Variants in RASSF5 observed in about 807,000 individuals in gnomAD.
RASSF5 encodes the protein ras association domain-containing protein 5.
In RASSF5, 25 loss-of-function variants were observed where a neutral mutation model predicts 40.5. The observed-to-expected ratio is 0.62, with a 90% CI of 0.45 to 0.86. The LOEUF is 0.86. Among genes scored for constraint, RASSF5 ranks in the 40% least tolerant of loss-of-function variants. The pLI is 0.00. For synonymous variants in RASSF5, 246 were observed against 252.4 expected (o/e 0.97, Z 0.24); for missense variants, 521 against 572.8 (o/e 0.91, Z 0.92).
chr1:206,578,222 CA>C (rs79362621), intron 2 of RASSF5, among the ~76,000 whole-genome samples: 12,633 of 137,130 alleles, frequency 0.092, 629 homozygotes, highest in African/African-American at 0.14. Flanking sequence ...GGAGACATCT[CA>C]AAAAAAAAAA....
Position 206,584,356 on chromosome 1 carries a change from C to G in RASSF5, c.691-31C>G. On this transcript the variant is annotated intron_variant, in intron 3 of 5. Coordinates refer to ENST00000579436, the MANE Select transcript of RASSF5 (RefSeq NM_182663.4). This position sits in a 1 kb window ranked among gnomAD's most constrained non-coding sequence, Gnocchi z 4.9. ...ATATGATCATGCAAGGCGGACGGCC[C>G]TGACCCCCTGTGACATGCCCCCGCT... 3.1e-6 allele frequency: 5 copies of G among 1,587,412 alleles called. No individual in the cohort carries two copies. Among genetic ancestry groups the G allele is most frequent in the Non-Finnish European group, 4.3e-6 (5 of 1,165,748 alleles).
chr1:206,510,683 G>A (rs1447622675), intron 1 of RASSF5, among the ~76,000 whole-genome samples: 3 of 152,142 alleles, frequency 2.0e-5, no homozygotes, highest in African/African-American at 7.2e-5. Flanking sequence ...GTGTCCTCTA[G>A]AAATGCCACT....
Position 206,535,866 on chromosome 1 carries a change from C to G in RASSF5, c.458-2306C>G, listed in dbSNP as rs1553398613. On this transcript the variant is annotated intron_variant, in intron 1 of 5. Coordinates refer to ENST00000579436, the MANE Select transcript of RASSF5 (RefSeq NM_182663.4). The surrounding 1 kb of genome is among the most constrained non-coding windows in gnomAD (Gnocchi z 5.0). Reference sequence around the variant, plus strand: ...GAGAAATTCCTCCTCTCCCAGGTGCCTTCCCATTTGTGAGTTATGGCAGCT... The same window carrying G: ...GAGAAATTCCTCCTCTCCCAGGTGCGTTCCCATTTGTGAGTTATGGCAGCT... Among the ~76,000 whole-genome samples the G allele has an allele frequency of 6.6e-6, 1 of 152,042 alleles. No individual in the cohort carries two copies. Among genetic ancestry groups the G allele is most frequent in the African/African-American group, 2.4e-5 (1 of 41,384 alleles).
In RASSF5 at chr1:206,531,786, C is replaced by G. The variant is rs1304183396; in HGVS notation, c.458-6386C>G. On this transcript the variant is annotated intron_variant, in intron 1 of 5. Coordinates refer to ENST00000579436, the MANE Select transcript of RASSF5 (RefSeq NM_182663.4). The surrounding 1 kb of genome is among the most constrained non-coding windows in gnomAD (Gnocchi z 4.7). ...GTAAATTGAGCCAGGCACGGTAATCCCAGAACTTTGGGAGGCCAAGGCAGG... is the reference window on the plus strand; with the variant it reads ...GTAAATTGAGCCAGGCACGGTAATCGCAGAACTTTGGGAGGCCAAGGCAGG... Among the ~76,000 whole-genome samples the G allele has an allele frequency of 2.6e-5, 4 of 152,042 alleles. No homozygotes were observed. The highest frequency in any genetic ancestry group is 5.9e-5 in the Non-Finnish European group (4 of 67,988).
intron 5 of RASSF5, 95 bp downstream of exon 5, chr1:206,585,390 A>C (rs1669072591): frequency 1.2e-6 from 1 of 867,570 alleles, no homozygotes; most frequent in Non-Finnish European, 2.0e-6. Flanking sequence ...GGTGGGAGCC[A>C]CGCAGCACGG....
intron 2 of RASSF5, among the ~76,000 whole-genome samples, chr1:206,561,501 T>G (rs1163407031): frequency 2.0e-5 from 3 of 152,110 alleles, no homozygotes; most frequent in African/African-American, 7.2e-5. Context: ...TCTTACAACT[T>G]TAGTGACTTA....
intron 1 of RASSF5, among the ~76,000 whole-genome samples, chr1:206,519,157 C>A (rs72755003): frequency 1.3e-5 from 2 of 152,218 alleles, no homozygotes; most frequent in Non-Finnish European, 2.9e-5. Context: ...GATAACTGGA[C>A]GGCATAGCGG....
chr1:206,540,435 C>T (rs1667516448), intron 2 of RASSF5, among the ~76,000 whole-genome samples: 2 of 152,266 alleles, frequency 1.3e-5, no homozygotes, highest in East Asian at 3.8e-4. Flanking sequence ...TTGTCTAGAG[C>T]AGAAACACCA....
rs533061644 is a variant in RASSF5 at position 206,522,165 on chromosome 1, T to G, written c.457+14106T>G. Among the ~76,000 whole-genome samples, 7 of 152,210 alleles carry G rather than the reference T, an allele frequency of 4.6e-5. No homozygotes were observed. In the South Asian group the frequency reaches 1.5e-3, roughly 32 times the overall value. ...ATACACTTCTTCCTGTCACACACAG[T>G]CTTGGTTGTGACTGCCTGTACTTTG... On this transcript the variant is annotated intron_variant, in intron 1 of 5. Coordinates refer to ENST00000579436, the MANE Select transcript of RASSF5 (RefSeq NM_182663.4).
chr1:206,571,039 C>T (rs1303959396), intron 2 of RASSF5, among the ~76,000 whole-genome samples: 1 of 152,208 alleles, frequency 6.6e-6, no homozygotes, highest in African/African-American at 2.4e-5. Flanking sequence ...CATTATTTTA[C>T]AATCCCACCA....
intron 2 of RASSF5, among the ~76,000 whole-genome samples, chr1:206,567,812 T>C (rs1467663260): frequency 6.6e-6 from 1 of 152,174 alleles, no homozygotes; most frequent in African/African-American, 2.4e-5. Flanking sequence ...CGTTGATATG[T>C]GTCAGGGACT....
intron 2 of RASSF5, among the ~76,000 whole-genome samples, chr1:206,573,521 C>A (rs1195613315): frequency 1.3e-5 from 2 of 152,354 alleles, no homozygotes; most frequent in East Asian, 3.9e-4. Flanking sequence ...AAATCCAAGG[C>A]TCACTACTGC....
chr1:206,527,920 C>T (rs1667138093), intron 1 of RASSF5, among the ~76,000 whole-genome samples: 1 of 152,152 alleles, frequency 6.6e-6, no homozygotes, highest in Admixed American at 6.6e-5. Flanking sequence ...CCCTGCTGCT[C>T]GCCAGCTACA....
chr1:206,571,692 C>G (rs1668455800), intron 2 of RASSF5, among the ~76,000 whole-genome samples: 1 of 152,166 alleles, frequency 6.6e-6, no homozygotes, highest in South Asian at 2.1e-4. Flanking sequence ...CTGTCAGTTC[C>G]AGGGGCAGGA....
Position 206,507,752 on chromosome 1 carries a change from C to A in RASSF5, c.150C>A (p.Leu50=). ...CGCGCCTCTGTGTCCCGGCGCCCCT[C>A]TCCACTGCGCCCGGGGCGCGCGAGG... is the stretch of plus-strand genomic sequence containing the variant. ...RSSRLCVPAP[L]STAPGAREGR... Residue 50 remains leucine, a synonymous_variant, in exon 1 of 6, where the codon CTC becomes CTA. Transcript: ENST00000579436. 6.9e-7 allele frequency: 1 copy of A among 1,440,166 alleles called. No homozygotes were observed. The highest frequency in any genetic ancestry group is 3.0e-5 in the Admixed American group (1 of 32,968). The allele number at this position is 1,440,166 out of a possible 1,614,324, so 89.2% of individuals were successfully genotyped here.
chr1:206,511,543 C>T (rs1666611144), intron 1 of RASSF5, among the ~76,000 whole-genome samples: 1 of 152,198 alleles, frequency 6.6e-6, no homozygotes, highest in Non-Finnish European at 1.5e-5. Context: ...TCAGTGAATG[C>T]CACCTGTCTG....
rs557268714 is a variant in RASSF5, at chr1:206,551,305, G to A, written c.579+13012G>A. On this transcript the variant is annotated intron_variant, in intron 2 of 5. Coordinates refer to ENST00000579436, the MANE Select transcript of RASSF5 (RefSeq NM_182663.4). ...TAATGGCTGCTCCCAGGGGATTCTA[G>A]AGGTGCCAGATGCACACCAGCCCAC... is the stretch of plus-strand genomic sequence containing the variant. 2.4e-3 allele frequency among the ~76,000 whole-genome samples: 360 copies of A among 152,246 alleles called. 1 individual carries two copies. Among genetic ancestry groups the A allele is most frequent in the Admixed American group, 3.8e-3 (58 of 15,298 alleles).
Position 206,553,000 on chromosome 1 carries a change from G to C in RASSF5, c.579+14707G>C, listed in dbSNP as rs566815645. ...AGGCAGATCACGAGGTCAGGAGATC[G>C]AGACCATCCTGGATAACACAGTGAA... is the stretch of plus-strand genomic sequence containing the variant. On this transcript the variant is annotated intron_variant, in intron 2 of 5. Coordinates refer to ENST00000579436, the MANE Select transcript of RASSF5 (RefSeq NM_182663.4). This position sits in a 1 kb window ranked among gnomAD's most constrained non-coding sequence, Gnocchi z 4.1. 6.6e-6 allele frequency among the ~76,000 whole-genome samples: 1 copy of C among 152,062 alleles called. No individual in the cohort carries two copies. The highest frequency in any genetic ancestry group is 1.5e-5 in the Non-Finnish European group (1 of 68,018).
intron 2 of RASSF5, among the ~76,000 whole-genome samples, chr1:206,547,151 A>C (rs1038832656): frequency 2.0e-5 from 3 of 152,184 alleles, no homozygotes; most frequent in Non-Finnish European, 4.4e-5. Context: ...AAAGACAAAA[A>C]TGATAGTATC....
Sources: gnomAD v4.1 joint callset for allele counts (sites outside exome capture counted in the v4.1 genomes callset) on GRCh38, gnomAD v4.1.1 for gene constraint, Gnocchi (gnomAD v3.1) non-coding constraint, MANE v1.5 for transcripts, NCBI Gene and HGNC (gene_info 2026-07-23, HGNC 2026-07-21) for gene names.